The following METTL8 variants were observed in gnomAD, a reference collection of about 807,000 sequenced individuals.
METTL8 encodes the protein tRNA N(3)-cytidine methyltransferase METTL8, mitochondrial.
METTL8 carries 32 observed loss-of-function variants against 48.7 expected under a neutral mutation model. The observed-to-expected ratio is 0.66, with a 90% CI of 0.50 to 0.88. The LOEUF is 0.88. Among genes scored for constraint, METTL8 ranks in the 40% least tolerant of loss-of-function variants. METTL8 has a pLI of 0.00. For synonymous variants in METTL8, 136 were observed against 157.1 expected, an observed-to-expected ratio of 0.87 and a Z score of 1.01; for missense variants, 464 against 474.4, an observed-to-expected ratio of 0.98 and a Z score of 0.20.
chr2:171,377,705 T>C (rs909561559), intron 2 of METTL8, among the ~76,000 whole-genome samples: 1 of 151,798 alleles, frequency 6.6e-6, no homozygotes, highest in Admixed American at 6.6e-5. Flanking sequence ...TACTCCTGCA[T>C]GCATGGCCAT....
chr2:171,400,487 C>A (rs1689535219), intron 1 of METTL8, among the ~76,000 whole-genome samples: 1 of 152,058 alleles, frequency 6.6e-6, no homozygotes. Context: ...TTCTCTTGGG[C>A]CTTAATCAAA....
intron 1 of METTL8, among the ~76,000 whole-genome samples, chr2:171,405,238 G>A (rs1194080252): frequency 6.6e-6 from 1 of 152,122 alleles, no homozygotes. Flanking sequence ...CTAGAGATGT[G>A]TATCTGGGAA....
chr2:171,372,189 G>C (rs1333441860), intron 2 of METTL8, among the ~76,000 whole-genome samples: 1 of 151,994 alleles, frequency 6.6e-6, no homozygotes, highest in East Asian at 1.9e-4. Context: ...AGATTTGGTA[G>C]AACTCAAAAT....
At chr2:171,328,505 G>A (rs1252994674) in intron 7 of METTL8, among the ~76,000 whole-genome samples, 1 of 151,956 alleles carries the variant, frequency 6.6e-6, no homozygotes, top group Non-Finnish European at 1.5e-5. Flanking sequence ...ACATTGCCTT[G>A]GTTTTAGTTT....
intron 2 of METTL8, among the ~76,000 whole-genome samples, chr2:171,387,214 C>T (rs926290045): frequency 2.6e-5 from 4 of 152,134 alleles, no homozygotes; most frequent in African/African-American, 4.8e-5. Context: ...CTGTAACACG[C>T]GCTCACTGGG....
chr2:171,329,890 T>C (rs1315801612), intron 7 of METTL8, among the ~76,000 whole-genome samples: 1 of 152,240 alleles, frequency 6.6e-6, no homozygotes, highest in African/African-American at 2.4e-5. Flanking sequence ...TACCCTTTAA[T>C]ACATAGAAGA....
At chr2:171,390,875 CAA>C (rs1475993151) in intron 2 of METTL8, among the ~76,000 whole-genome samples, 1 of 152,126 alleles carries the variant, frequency 6.6e-6, no homozygotes, top group Non-Finnish European at 1.5e-5. Flanking sequence ...AGAATTTAGA[CAA>C]AATTCTAAAT....
At position 171,321,179 on chromosome 2, in the gene METTL8, G is replaced by C. The variant is rs2105374683; in HGVS notation, c.*2993C>G. The C allele has an allele frequency of 6.6e-6, 1 of 152,268 alleles. No homozygotes were observed. Among genetic ancestry groups the C allele is most frequent in the East Asian group, 1.9e-4 (1 of 5,184 alleles). 9.4% of individuals were successfully genotyped at this position (152,268 alleles called of 1,614,324 possible). On this transcript the variant is annotated 3_prime_UTR_variant, in exon 10 of 10. Transcript: ENST00000375258. Reference sequence around the variant, plus strand: ...ATTACTACTGCTACCACTGCTATATGATGTGTTGGCTGTGACTGGACAGCA... The same window carrying C: ...ATTACTACTGCTACCACTGCTATATCATGTGTTGGCTGTGACTGGACAGCA...
At position 171,330,671 on chromosome 2, in the gene METTL8, AC is replaced by A; in HGVS notation, c.747del (p.Gln249HisfsTer44). 6.2e-7 allele frequency: 1 copy of A among 1,613,630 alleles called. No homozygotes were observed. Among genetic ancestry groups the A allele is most frequent in the East Asian group, 2.2e-5 (1 of 44,856 alleles). On this transcript the variant is annotated frameshift_variant, in exon 7 of 10. Transcript: ENST00000375258. LOFTEE classifies it high-confidence loss of function. ...CATACATCATGAACAAAGGCAAAACACTGGGTTGCTCTGTAGGACGAGTGTG... is the reference window on the plus strand; with the variant it reads ...CATACATCATGAACAAAGGCAAAACATGGGTTGCTCTGTAGGACGAGTGTG... ...VKSHSSYRAT[Q>X]CFAFVHDVCD...
rs754956661 is a variant in METTL8, at chr2:171,339,570, A to AAAAG, written c.236-20_236-17dup. 2 of 1,364,420 alleles carry AAAAG rather than the reference A, an allele frequency of 1.5e-6. No individual in the cohort carries two copies. The highest frequency in any genetic ancestry group is 2.0e-6 in the Non-Finnish European group (2 of 994,840). 84.5% of individuals were successfully genotyped at this position (1,364,420 alleles called of 1,614,324 possible). ...TCATACTTAACTAAAATAAAGAGGA[A>AAAAG]AAAGAAAGATTTATTTTACTACGAA... On this transcript the variant is annotated splice_polypyrimidine_tract_variant and intron_variant, in intron 3 of 9. Coordinates refer to ENST00000375258, the MANE Select transcript of METTL8 (RefSeq NM_001321154.2).
chr2:171,370,786 G>A (rs1039208759), intron 2 of METTL8, among the ~76,000 whole-genome samples: 4 of 152,126 alleles, frequency 2.6e-5, no homozygotes, highest in South Asian at 2.1e-4. Flanking sequence ...GTGAGACTCC[G>A]TCTCAAAAAT....
At position 171,351,077 on chromosome 2, in the gene METTL8, T is replaced by C. The variant is rs567438678; in HGVS notation, c.235+9345A>G. Among the ~76,000 whole-genome samples the C allele has an allele frequency of 6.2e-4, 94 of 152,364 alleles. 1 individual carries two copies. The highest frequency in any genetic ancestry group is 2.1e-3 in the African/African-American group (88 of 41,584). On this transcript the variant is annotated intron_variant, in intron 3 of 9. Transcript: ENST00000375258. ...GAATGGTATTGCCTAGGTTTTCTTC[T>C]AGGGTTTTTATGGTTTTAGGACTAA... is the stretch of plus-strand genomic sequence containing the variant.
intron 7 of METTL8, chr2:171,326,425 T>C (rs1684966567): frequency 5.9e-6 from 2 of 336,502 alleles, no homozygotes; most frequent in African/African-American, 2.2e-5. Context: ...ATGTCAAAGC[T>C]AAACTTCAAA....
intron 2 of METTL8, among the ~76,000 whole-genome samples, chr2:171,360,752 G>A (rs1194558471): frequency 6.6e-6 from 1 of 152,194 alleles, no homozygotes; most frequent in Non-Finnish European, 1.5e-5. Context: ...CTACCTCTGG[G>A]AAACGGCTGC....
chr2:171,378,903 C>T (rs964546485), intron 2 of METTL8, among the ~76,000 whole-genome samples: 4 of 152,144 alleles, frequency 2.6e-5, no homozygotes, highest in Non-Finnish European at 2.9e-5. Context: ...CTGGATTAAG[C>T]GGAACTGATG....
At chr2:171,386,187 T>C (rs1688032025) in intron 2 of METTL8, among the ~76,000 whole-genome samples, 1 of 152,122 alleles carries the variant, frequency 6.6e-6, no homozygotes, top group South Asian at 2.1e-4. Context: ...AAAGAGAATA[T>C]AGATAGCTAA....
intron 3 of METTL8, among the ~76,000 whole-genome samples, chr2:171,341,518 C>T (rs1285491115): frequency 6.6e-6 from 1 of 151,016 alleles, no homozygotes; most frequent in Non-Finnish European, 1.5e-5. Context: ...GGATTACAGG[C>T]GTGAGCTACT....
intron 3 of METTL8, among the ~76,000 whole-genome samples, chr2:171,343,744 A>G (rs569680236): frequency 6.6e-6 from 1 of 152,332 alleles, no homozygotes; most frequent in Non-Finnish European, 1.5e-5. Flanking sequence ...TAGTATCTCT[A>G]AAGTCTGTTT....
At chr2:171,400,806 A>C (rs1689568218) in intron 1 of METTL8, among the ~76,000 whole-genome samples, 1 of 152,150 alleles carries the variant, frequency 6.6e-6, no homozygotes, top group Admixed American at 6.6e-5. Context: ...ATACTACTAG[A>C]GGAACACCAA....
Sources: allele counts gnomAD v4.1 joint callset (sites outside exome capture counted in the v4.1 genomes callset), GRCh38; gene constraint gnomAD v4.1.1; transcripts MANE v1.5; gene names NCBI Gene and HGNC (gene_info 2026-07-23, HGNC 2026-07-21).